Variants in CDH18 observed in about 807,000 individuals in gnomAD.
The protein encoded by CDH18 is cadherin-18.
A neutral mutation model predicts 67.9 loss-of-function variants in CDH18; 31 were observed. The ratio of observed to expected loss-of-function variants is 0.46; its 90% confidence interval spans 0.34 to 0.62. CDH18 has a LOEUF of 0.62. Among genes scored for constraint, CDH18 ranks in the 20% least tolerant of loss-of-function variants. CDH18 has a pLI of 0.01. For missense variants in CDH18, 890 were observed against 975.5 expected, an observed-to-expected ratio of 0.91 and a Z score of 1.17; for synonymous variants, 362 against 347.2, an observed-to-expected ratio of 1.04 and a Z score of -0.48.
intron 2 of CDH18, among the ~76,000 whole-genome samples, chr5:20,251,151 A>G (rs914553403): frequency 1.3e-5 from 2 of 152,234 alleles, no homozygotes; most frequent in African/African-American, 4.8e-5. Flanking sequence ...AATGTTTGGT[A>G]TAAATATAAT....
At chr5:20,509,407 C>CTTT (rs565488310) in intron 1 of CDH18, among the ~76,000 whole-genome samples, 53,393 of 139,102 alleles carry the variant, frequency 0.38, 11,930 homozygotes, top group East Asian at 0.54. Flanking sequence ...CAGGATTTCC[C>CTTT]TTTTTTTTTT....
chr5:20,448,668 A>G (rs1340269935), intron 1 of CDH18, among the ~76,000 whole-genome samples: 1 of 152,118 alleles, frequency 6.6e-6, no homozygotes, highest in Non-Finnish European at 1.5e-5. Context: ...AGATGAATAC[A>G]GTACTTATTT....
chr5:20,511,967 G>A (rs770151996), intron 1 of CDH18, among the ~76,000 whole-genome samples: 26 of 152,048 alleles, frequency 1.7e-4, no homozygotes, highest in Non-Finnish European at 2.9e-4. Context: ...GGTGGCTCAC[G>A]CCGAGCACTT....
At chr5:20,371,205 A>T (rs1394396501) in intron 1 of CDH18, among the ~76,000 whole-genome samples, 1 of 152,038 alleles carries the variant, frequency 6.6e-6, no homozygotes, top group Non-Finnish European at 1.5e-5. Context: ...GGTGAGGATA[A>T]AGGAATCCAG....
At chr5:19,831,902 T>G (rs1346704968) in intron 3 of CDH18, among the ~76,000 whole-genome samples, 2 of 152,214 alleles carry the variant, frequency 1.3e-5, no homozygotes, top group South Asian at 2.1e-4. Context: ...GTGACACATA[T>G]GCATAATGAA....
At chr5:20,566,526 A>ATTTTTTTTTT (rs33950954) in intron 1 of CDH18, among the ~76,000 whole-genome samples, 780 of 97,252 alleles carry the variant, frequency 8.0e-3, no homozygotes, top group Non-Finnish European at 0.011. Context: ...TGCCCAGCTA[A>ATTTTTTTTTT]TTTTTTTTTT....
chr5:19,631,653 A>T (rs1324916294), intron 5 of CDH18, among the ~76,000 whole-genome samples: 1 of 133,994 alleles, frequency 7.5e-6, no homozygotes, highest in Non-Finnish European at 1.6e-5. Flanking sequence ...AAAATTAAAG[A>T]CAAGATAATA....
At chr5:19,784,478 G>T (rs1350885870) in intron 3 of CDH18, among the ~76,000 whole-genome samples, 1 of 152,024 alleles carries the variant, frequency 6.6e-6, no homozygotes, top group Non-Finnish European at 1.5e-5. Flanking sequence ...CTATTACACA[G>T]GCATGCCACT....
At chr5:19,575,605 G>A (rs1214844707) in intron 7 of CDH18, among the ~76,000 whole-genome samples, 2 of 152,096 alleles carry the variant, frequency 1.3e-5, no homozygotes, top group African/African-American at 4.8e-5. Context: ...TTGTCCTGTG[G>A]GTGCTGAGAA....
intron 3 of CDH18, among the ~76,000 whole-genome samples, chr5:19,752,398 C>T (rs1214401395): frequency 1.3e-5 from 2 of 152,050 alleles, no homozygotes; most frequent in African/African-American, 4.8e-5. Flanking sequence ...AAGCCTGTGA[C>T]TCCCGGCTCT....
At chr5:20,051,613 C>T (rs1249038305) in intron 2 of CDH18, among the ~76,000 whole-genome samples, 2 of 151,812 alleles carry the variant, frequency 1.3e-5, no homozygotes, top group African/African-American at 2.4e-5. Context: ...ACTTAAACAA[C>T]TGGGTGGGTA....
intron 1 of CDH18, among the ~76,000 whole-genome samples, chr5:20,510,818 G>A (rs1754987179): frequency 6.6e-6 from 1 of 152,152 alleles, no homozygotes; most frequent in African/African-American, 2.4e-5. Flanking sequence ...GCAATTGAAA[G>A]TGTTAATGCA....
intron 1 of CDH18, among the ~76,000 whole-genome samples, chr5:20,298,734 G>A (rs116768444): frequency 6.2e-4 from 94 of 151,948 alleles, no homozygotes; most frequent in African/African-American, 2.1e-3. Flanking sequence ...CCTAAACTCT[G>A]GCAAGAAACA....
At chr5:19,922,923 A>AAATCTCC (rs1792666041) in intron 2 of CDH18, among the ~76,000 whole-genome samples, 1 of 152,170 alleles carries the variant, frequency 6.6e-6, no homozygotes, top group Non-Finnish European at 1.5e-5. Flanking sequence ...TATTCGTTTA[A>AAATCTCC]TATCTCCTCT....
chr5:20,165,401 G>C (rs79722737), intron 2 of CDH18, among the ~76,000 whole-genome samples: 14 of 151,860 alleles, frequency 9.2e-5, no homozygotes, highest in Admixed American at 4.6e-4. Flanking sequence ...ACTTAAATTC[G>C]GATAACTTTA....
intron 1 of CDH18, among the ~76,000 whole-genome samples, chr5:20,465,536 T>G (rs186527516): frequency 6.6e-6 from 1 of 152,198 alleles, no homozygotes; most frequent in Non-Finnish European, 1.5e-5. Context: ...AAAATTTGTA[T>G]GTTAAATAAC....
intron 2 of CDH18, among the ~76,000 whole-genome samples, chr5:19,944,708 T>C (rs898118029): frequency 2.0e-5 from 3 of 152,200 alleles, no homozygotes; most frequent in African/African-American, 7.2e-5. Flanking sequence ...TTCTTCAATA[T>C]GTATTACACA....
At chr5:19,753,459 C>A (rs1473000765) in intron 3 of CDH18, among the ~76,000 whole-genome samples, 3 of 152,012 alleles carry the variant, frequency 2.0e-5, no homozygotes, top group Non-Finnish European at 1.5e-5. Context: ...TCAAATTAAC[C>A]CAATCCAACA....
chr5:19,920,893 G>GCACACACACACACACACACA (rs70954622), intron 2 of CDH18, among the ~76,000 whole-genome samples: 8 of 146,206 alleles, frequency 5.5e-5, no homozygotes, highest in East Asian at 2.1e-4. Context: ...ACCCACAAGA[G>GCACACACACACACACACACA]CACACACACA....
Sources: gnomAD v4.1 joint callset for allele counts (sites outside exome capture counted in the v4.1 genomes callset) on GRCh38, gnomAD v4.1.1 for gene constraint, MANE v1.5 for transcripts, NCBI Gene and HGNC (gene_info 2026-07-23, HGNC 2026-07-21) for gene names.